Variants in PRAG1 observed in about 807,000 individuals in gnomAD.
PRAG1 encodes inactive tyrosine-protein kinase PRAG1.
In PRAG1, 110 loss-of-function variants were observed where a neutral mutation model predicts 95.6. The observed-to-expected ratio is 1.15, with a 90% confidence interval of 0.99 to 1.35. PRAG1 has a LOEUF of 1.35. Ranked by LOEUF, PRAG1 falls within the 40% of genes most tolerant of loss-of-function variation. The probability of loss-of-function intolerance (pLI) is 0.00; values close to 1 mark genes in which losing one functional copy is unlikely to be tolerated. For missense variants in PRAG1, 2,554 were observed against 1,864.7 expected (o/e 1.37, Z -6.81); for synonymous variants, 1,052 against 819.4 (o/e 1.28, Z -4.85).
chr8:8,333,558 G>A (rs778365326), intron 4 of PRAG1, among the ~76,000 whole-genome samples: 18 of 152,198 alleles, frequency 1.2e-4, no homozygotes, highest in Non-Finnish European at 2.6e-4. Flanking sequence ...CAGGCCATAA[G>A]TTCAAACATG....
At chr8:8,347,103 T>C (rs917877946) in intron 3 of PRAG1, among the ~76,000 whole-genome samples, 2 of 152,270 alleles carry the variant, frequency 1.3e-5, no homozygotes, top group African/African-American at 4.8e-5. Flanking sequence ...AGGAAAAGAC[T>C]GGTTTTAAAC....
chr8:8,382,154 AT>A (rs1014468548), intron 1 of PRAG1, among the ~76,000 whole-genome samples: 1 of 152,050 alleles, frequency 6.6e-6, no homozygotes, highest in Non-Finnish European at 1.5e-5. Context: ...ATGGGAAGAA[AT>A]CACGTAGGGT....
chr8:8,384,448 C>G (rs753504308), intron 1 of PRAG1, among the ~76,000 whole-genome samples: 2 of 151,888 alleles, frequency 1.3e-5, no homozygotes, highest in Non-Finnish European at 2.9e-5. Flanking sequence ...TTTCATCACA[C>G]GACTGCCAGG....
rs376693162 is a variant in PRAG1, at chr8:8,377,714, A to G, written c.695T>C (p.Leu232Pro). The G allele has an allele frequency of 1.1e-5, 18 of 1,613,790 alleles. No homozygotes were observed. Among genetic ancestry groups the G allele is most frequent in the Non-Finnish European group, 1.4e-5 (17 of 1,179,976 alleles). ...HQGPGPLRES[L>P]PSEDDSDQRC... ...TTGATCACTGTCATCCTCCGAGGGC[A>G]GGGATTCCCGCAGGGGCCCAGGGCC... is the stretch of plus-strand genomic sequence containing the variant. The change falls in exon 3 of 6, where the codon CTG (leucine) becomes CCG (proline). Residue 232 changes from leucine to proline, a missense_variant. By Grantham distance (98) the Leu-to-Pro change is moderately conservative. Transcript: ENST00000615670.
Position 8,340,025 on chromosome 8 carries a change from T to C in PRAG1, c.2163-390A>G, listed in dbSNP as rs538734875. On this transcript the variant is annotated intron_variant, in intron 3 of 5. Transcript: ENST00000615670. ...ACCAATGTATAGAGACATACAGATATTGGGTTGTTTTTGCAAGATCCCAGG... is the reference window on the plus strand; with the variant it reads ...ACCAATGTATAGAGACATACAGATACTGGGTTGTTTTTGCAAGATCCCAGG... Among the ~76,000 whole-genome samples, 7 of 152,306 alleles carry C rather than the reference T, an allele frequency of 4.6e-5. 1 individual carries two copies. Among genetic ancestry groups the C allele is most frequent in the Admixed American group, 2.0e-4 (3 of 15,298 alleles).
At position 8,381,678 on chromosome 8, in the gene PRAG1, T is replaced by C; in HGVS notation, c.70A>G (p.Ile24Val). The change falls in exon 2 of 6, where the codon ATC (isoleucine) becomes GTC (valine). Residue 24 changes from isoleucine (I) to valine (V), a missense_variant. Transcript: ENST00000615670. ...MSACSDFVEHIWKPGSCKNCF... is the reference protein window; with the variant it reads ...MSACSDFVEHVWKPGSCKNCF... The stretch of plus-strand genomic sequence containing the variant: ...TTCTTGCAGGACCCGGGTTTCCAGA[T>C]GTGCTCCACAAAGTCACTGCACGCA... The C allele has an allele frequency of 6.2e-7, 1 of 1,613,454 alleles. No homozygotes were observed. The highest frequency in any genetic ancestry group is 1.7e-4 in the Middle Eastern group (1 of 6,058).
Position 8,376,280 on chromosome 8 carries a change from G to A in PRAG1, c.2129C>T (p.Thr710Ile). ...EFPKDRSGIE[T>I]FSPPPPPPKS... Reference sequence around the variant, plus strand: ...TGGAGGCGGAGGAGGAGGTGAGAATGTCTCAATCCCACTTCTGTCCTTGGG... The same window carrying A: ...TGGAGGCGGAGGAGGAGGTGAGAATATCTCAATCCCACTTCTGTCCTTGGG... Residue 710 changes from threonine (T) to isoleucine (I), a missense_variant, in exon 3 of 6, where the codon ACA becomes ATA. By Grantham distance (89) the Thr-to-Ile change is moderately conservative. Transcript: ENST00000615670. The A allele has an allele frequency of 3.1e-6, 5 of 1,614,126 alleles. No homozygotes were observed. The highest frequency in any genetic ancestry group is 4.2e-6 in the Non-Finnish European group (5 of 1,180,026).
At position 8,376,980 on chromosome 8, in the gene PRAG1, T is replaced by G. The variant is rs750946451; in HGVS notation, c.1429A>C (p.Met477Leu). 2.0e-5 allele frequency: 33 copies of G among 1,613,560 alleles called. No homozygotes were observed. The highest frequency in any genetic ancestry group is 2.7e-5 in the Non-Finnish European group (32 of 1,179,952). Residue 477 changes from methionine to leucine, a missense_variant, in exon 3 of 6, where the codon ATG (methionine) becomes CTG (leucine). Transcript: ENST00000615670. ...TGGTCCTCTTCCGGGTGGGCCGCCA[T>G]GACTGTGATGGTGGCTGACACCTGG... ...TPQVSATITV[M>L]AAHPEEDHRT...
intron 3 of PRAG1, among the ~76,000 whole-genome samples, chr8:8,340,814 T>A (rs1294384626): frequency 1.3e-5 from 2 of 152,150 alleles, no homozygotes; most frequent in Non-Finnish European, 2.9e-5. Flanking sequence ...CTTAGAATCG[T>A]ACTTTTAAAC....
intron 3 of PRAG1, among the ~76,000 whole-genome samples, chr8:8,344,258 G>A (rs934725207): frequency 3.3e-5 from 5 of 152,154 alleles, no homozygotes; most frequent in Non-Finnish European, 7.4e-5. Flanking sequence ...TGAAAACATT[G>A]TGGTATAGTC....
chr8:8,345,702 G>T (rs1799318094), intron 3 of PRAG1, among the ~76,000 whole-genome samples: 1 of 152,174 alleles, frequency 6.6e-6, no homozygotes, highest in African/African-American at 2.4e-5. Flanking sequence ...GACTAAGGCA[G>T]GAGAATCGCT....
rs764140937 is a variant in PRAG1 at position 8,318,309 on chromosome 8, C to G, written c.4066G>C (p.Asp1356His). ...ALCGTLHNWI[D>H]MKRALMMMKF... ...ATCATCATCAGGGCCCGCTTCATGT[C>G]GATCCAGTTGTGCAGCGTGCCGCAC... The change falls in exon 6 of 6, where the codon GAC (aspartate) becomes CAC (histidine). Residue 1356 changes from aspartate to histidine, a missense_variant. Coordinates refer to ENST00000615670, the MANE Select transcript of PRAG1 (RefSeq NM_001080826.3). The surrounding 1 kb of genome is among the most constrained non-coding windows in gnomAD (Gnocchi z 4.2). 45 of 1,614,056 alleles carry G rather than the reference C, an allele frequency of 2.8e-5. 1 individual carries two copies. The South Asian group carries it at 4.8e-4, about 17-fold the overall frequency.
chr8:8,333,890 G>A (rs1479921689), intron 4 of PRAG1, among the ~76,000 whole-genome samples: 22 of 152,218 alleles, frequency 1.4e-4, no homozygotes, highest in Admixed American at 1.4e-3. Context: ...GGGCCCTAGT[G>A]CAATTCTCTC....
intron 3 of PRAG1, among the ~76,000 whole-genome samples, chr8:8,342,308 T>C (rs1049192614): frequency 6.6e-6 from 1 of 150,876 alleles, no homozygotes; most frequent in Non-Finnish European, 1.5e-5. Context: ...TTCTCCTGCC[T>C]CAGCCTCCCG....
At chr8:8,324,743 A>G (rs560599055) in intron 5 of PRAG1, among the ~76,000 whole-genome samples, 8 of 152,320 alleles carry the variant, frequency 5.3e-5, no homozygotes, top group Admixed American at 5.2e-4. Context: ...AGTCTGGGCT[A>G]AATCATGTCT....
At chr8:8,381,171 C>T (rs1427877797) in intron 2 of PRAG1, among the ~76,000 whole-genome samples, 1 of 152,112 alleles carries the variant, frequency 6.6e-6, no homozygotes, top group Non-Finnish European at 1.5e-5. Context: ...TTTGTCTGCC[C>T]TACACAGTCT....
In PRAG1 at chr8:8,377,085, G is replaced by C; in HGVS notation, c.1324C>G (p.Gln442Glu). Residue 442 changes from glutamine (Q) to glutamate (E), a missense_variant, in exon 3 of 6, where the codon CAA (glutamine) becomes GAA (glutamate). By Grantham distance (29) the Gln-to-Glu change is conservative. Transcript: ENST00000615670. Reference protein sequence around the residue: ...KIEHAAAAQGQGQVCTGNAWA... With the variant: ...KIEHAAAAQGEGQVCTGNAWA... ...GCATTACCTGTGCATACCTGGCCTT[G>C]GCCCTGGGCAGCAGCTGCATGTTCT... 6.2e-7 allele frequency: 1 copy of C among 1,613,842 alleles called. No individual in the cohort carries two copies. Among genetic ancestry groups the C allele is most frequent in the Non-Finnish European group, 8.5e-7 (1 of 1,180,022 alleles).
chr8:8,372,635 G>T (rs1259353528), intron 3 of PRAG1, among the ~76,000 whole-genome samples: 2 of 152,214 alleles, frequency 1.3e-5, no homozygotes, highest in African/African-American at 2.4e-5. Flanking sequence ...AATGAGCATG[G>T]AGAGCCTTTC....
chr8:8,377,071 G>T lies in PRAG1; in HGVS notation c.1338C>A (p.Cys446Ter). The T allele has an allele frequency of 3.7e-6, 6 of 1,613,980 alleles. No individual in the cohort carries two copies. Among genetic ancestry groups the T allele is most frequent in the Non-Finnish European group, 5.1e-6 (6 of 1,180,042 alleles). Residue 446 changes from cysteine (C) to a stop codon, truncating the protein, a stop_gained, in exon 3 of 6, where the codon TGC becomes TGA. Transcript: ENST00000615670. LOFTEE classifies it high-confidence loss of function. ...AAAAQGQGQVCTGNAWAQKAA... is the reference protein window; with the variant it reads ...AAAAQGQGQV ...CTTTCTGGGCCCAGGCATTACCTGT[G>T]CATACCTGGCCTTGGCCCTGGGCAG...
Sources: gnomAD v4.1 joint callset for allele counts (sites outside exome capture counted in the v4.1 genomes callset) on GRCh38, gnomAD v4.1.1 for gene constraint, Gnocchi (gnomAD v3.1) non-coding constraint, MANE v1.5 for transcripts, NCBI Gene and HGNC (gene_info 2026-07-23, HGNC 2026-07-21) for gene names.